Variants in KCNQ5 observed in about 807,000 individuals in gnomAD.
KCNQ5 encodes the protein potassium voltage-gated channel subfamily KQT member 5.
A neutral mutation model predicts 98.2 loss-of-function variants in KCNQ5; 30 were observed. That is an observed-to-expected ratio of 0.31 (90% CI 0.23 to 0.41). The LOEUF is 0.41. Among genes scored for constraint, KCNQ5 ranks in the 10% least tolerant of loss-of-function variants. KCNQ5 has a pLI of 1.00. For missense variants in KCNQ5, 835 were observed against 1,182.5 expected, an observed-to-expected ratio of 0.71 and a Z score of 4.31; for synonymous variants, 458 against 449.4, an observed-to-expected ratio of 1.02 and a Z score of -0.24.
chr6:73,054,602 A>C (rs1772383317), intron 3 of KCNQ5, among the ~76,000 whole-genome samples: 1 of 152,248 alleles, frequency 6.6e-6, no homozygotes, highest in Admixed American at 6.5e-5. Context: ...CCACATGATC[A>C]TCTCAATAAA....
At chr6:72,887,114 A>C (rs988916340) in intron 1 of KCNQ5, among the ~76,000 whole-genome samples, 2 of 152,226 alleles carry the variant, frequency 1.3e-5, no homozygotes, top group African/African-American at 4.8e-5. Flanking sequence ...GTTCTAAGAA[A>C]GAAGGAAAAT....
chr6:73,165,220 A>C (rs1777748728), intron 10 of KCNQ5, among the ~76,000 whole-genome samples: 1 of 152,080 alleles, frequency 6.6e-6, no homozygotes, highest in Non-Finnish European at 1.5e-5. Flanking sequence ...TCCTGGCCTT[A>C]AGCAATCCTC....
At chr6:72,708,851 T>C (rs566964700) in intron 1 of KCNQ5, among the ~76,000 whole-genome samples, 39 of 152,250 alleles carry the variant, frequency 2.6e-4, no homozygotes, top group African/African-American at 8.9e-4. Flanking sequence ...TTTCCCTAGG[T>C]TGAAAAACAA....
intron 8 of KCNQ5, among the ~76,000 whole-genome samples, chr6:73,122,730 G>T (rs910862881): frequency 2.6e-5 from 4 of 152,322 alleles, no homozygotes; most frequent in Middle Eastern, 3.4e-3. Flanking sequence ...TTGAGAATGT[G>T]ATGGAAATTA....
At chr6:73,052,117 G>A (rs938123258) in intron 3 of KCNQ5, among the ~76,000 whole-genome samples, 12 of 152,108 alleles carry the variant, frequency 7.9e-5, no homozygotes, top group Non-Finnish European at 1.0e-4. Flanking sequence ...CAGCAGAATC[G>A]ATCAAGCTGA....
At chr6:72,864,088 C>T (rs746266267) in intron 1 of KCNQ5, among the ~76,000 whole-genome samples, 3 of 152,130 alleles carry the variant, frequency 2.0e-5, no homozygotes, top group African/African-American at 4.8e-5. Flanking sequence ...CCCTGCTGCC[C>T]ATGTCATAAA....
At chr6:73,133,075 G>A (rs1011116242) in intron 9 of KCNQ5, among the ~76,000 whole-genome samples, 2 of 152,160 alleles carry the variant, frequency 1.3e-5, no homozygotes, top group African/African-American at 4.8e-5. Context: ...CTCAAAAGTT[G>A]AGGTTAAAGC....
At position 73,176,327 on chromosome 6, in the gene KCNQ5, T is replaced by C. The variant is rs776443783; in HGVS notation, c.1577+6473T>C. ...GTGTAGCACCTCCCTCCCGCTTCTC[T>C]CTTTCTTCCTGCTGCTCCGGCCACA... On this transcript the variant is annotated intron_variant, in intron 11 of 13. Coordinates refer to ENST00000370398, the MANE Select transcript of KCNQ5 (RefSeq NM_019842.4). Among the ~76,000 whole-genome samples, 12 of 152,298 alleles carry C rather than the reference T, an allele frequency of 7.9e-5. 1 individual carries two copies. The highest frequency in any genetic ancestry group is 7.4e-5 in the Non-Finnish European group (5 of 68,024).
At chr6:72,861,662 CACTT>C (rs1419272460) in intron 1 of KCNQ5, among the ~76,000 whole-genome samples, 4 of 152,100 alleles carry the variant, frequency 2.6e-5, no homozygotes, top group Non-Finnish European at 5.9e-5. Context: ...TAGGGCCTCT[CACTT>C]GAGCTTCATG....
intron 1 of KCNQ5, among the ~76,000 whole-genome samples, chr6:72,658,468 A>T (rs940733092): frequency 1.4e-5 from 2 of 145,982 alleles, no homozygotes; most frequent in African/African-American, 5.1e-5. Flanking sequence ...TTTTGTAGAG[A>T]TGGGGTTTCA....
intron 1 of KCNQ5, among the ~76,000 whole-genome samples, chr6:72,718,682 C>T (rs1163944049): frequency 1.3e-5 from 2 of 151,946 alleles, no homozygotes; most frequent in African/African-American, 4.8e-5. Flanking sequence ...ATCTCTTGAC[C>T]TCGTGATCCG....
intron 1 of KCNQ5, among the ~76,000 whole-genome samples, chr6:72,976,293 T>G (rs1325942061): frequency 6.6e-6 from 1 of 152,176 alleles, no homozygotes; most frequent in African/African-American, 2.4e-5. Context: ...GGAAAAATGA[T>G]TCCGGCCAGA....
At chr6:72,951,444 A>T (rs142440896) in intron 1 of KCNQ5, among the ~76,000 whole-genome samples, 3 of 135,194 alleles carry the variant, frequency 2.2e-5, no homozygotes, top group Non-Finnish European at 4.7e-5. Context: ...CACCCAGCAA[A>T]TTTTTTTTTT....
intron 10 of KCNQ5, among the ~76,000 whole-genome samples, chr6:73,138,578 C>T (rs539178954): frequency 2.1e-4 from 32 of 152,356 alleles, no homozygotes; most frequent in African/African-American, 7.5e-4. Flanking sequence ...ATCTGTCTCA[C>T]ATACATGTAT....
At chr6:72,918,195 A>G (rs911911303) in intron 1 of KCNQ5, among the ~76,000 whole-genome samples, 2 of 151,608 alleles carry the variant, frequency 1.3e-5, no homozygotes, top group African/African-American at 4.9e-5. Flanking sequence ...TGGTGCATGC[A>G]CTCCTCTCTC....
At chr6:73,045,209 A>G (rs1771907156) in intron 3 of KCNQ5, among the ~76,000 whole-genome samples, 2 of 152,190 alleles carry the variant, frequency 1.3e-5, no homozygotes, top group African/African-American at 4.8e-5. Flanking sequence ...TGATCTCACA[A>G]ATCCTAAAAT....
intron 2 of KCNQ5, among the ~76,000 whole-genome samples, chr6:73,034,281 A>G (rs1020588441): frequency 1.1e-4 from 16 of 152,222 alleles, no homozygotes; most frequent in African/African-American, 3.9e-4. Flanking sequence ...TACTTTAAGT[A>G]TATGCACACA....
intron 5 of KCNQ5, among the ~76,000 whole-genome samples, chr6:73,095,469 G>C (rs141435217): frequency 6.6e-6 from 1 of 152,124 alleles, no homozygotes; most frequent in Non-Finnish European, 1.5e-5. Context: ...TGGGGAGCTA[G>C]TGTGATTTTT....
intron 1 of KCNQ5, among the ~76,000 whole-genome samples, chr6:72,675,176 G>A (rs1394869895): frequency 2.0e-5 from 3 of 152,082 alleles, no homozygotes; most frequent in Admixed American, 1.3e-4. Flanking sequence ...TTTCCCAAAA[G>A]ACTTATATAT....
Sources: gnomAD v4.1 joint callset for allele counts (sites outside exome capture counted in the v4.1 genomes callset) on GRCh38, gnomAD v4.1.1 for gene constraint, MANE v1.5 for transcripts, NCBI Gene and HGNC (gene_info 2026-07-23, HGNC 2026-07-21) for gene names.